CTNNA3: variants seen among roughly 807,000 people sequenced by gnomAD.
The protein encoded by CTNNA3 is catenin alpha 3.
Under a neutral mutation model 95.7 loss-of-function variants are expected in CTNNA3, and 76 were observed. The ratio of observed to expected loss-of-function variants is 0.79; its 90% CI spans 0.66 to 0.96. The LOEUF (loss-of-function observed/expected upper bound fraction) is 0.96. CTNNA3 is among the 40% of genes least tolerant of loss of function. The pLI, the probability that CTNNA3 is intolerant of heterozygous loss-of-function variation, is 0.00. For missense variants in CTNNA3, 1,191 were observed against 1,089.8 expected (o/e 1.09, Z -1.31); for synonymous variants, 431 against 374.4 (o/e 1.15, Z -1.74).
chr10:65,931,163 A>G (rs1020188598), intron 17 of CTNNA3, among the ~76,000 whole-genome samples: 1 of 152,178 alleles, frequency 6.6e-6, no homozygotes, highest in Non-Finnish European at 1.5e-5. Context: ...GACTTTCACA[A>G]TTATCTATAA....
chr10:66,426,917 T>C (rs897499561), intron 11 of CTNNA3, among the ~76,000 whole-genome samples: 1 of 152,018 alleles, frequency 6.6e-6, no homozygotes, highest in African/African-American at 2.4e-5. Context: ...TTTAAATCTG[T>C]TTTTTCTCTT....
Position 67,255,564 on chromosome 10 carries a change from C to T in CTNNA3, c.580-35694G>A, listed in dbSNP as rs577891486. 3.9e-5 allele frequency among the ~76,000 whole-genome samples: 6 copies of T among 152,214 alleles called. No individual in the cohort carries two copies. In the South Asian group the frequency reaches 1.2e-3, roughly 32 times the overall value. Reference sequence around the variant, plus strand: ...CTTTATAGCTATTAAATACTTTAATCCTTCTAATAACCCTATGAAGCAAAT... The same window carrying T: ...CTTTATAGCTATTAAATACTTTAATTCTTCTAATAACCCTATGAAGCAAAT... On this transcript the variant is annotated intron_variant, in intron 5 of 17. Transcript: ENST00000433211.
chr10:67,504,930 TA>T (rs1284445903), intron 5 of CTNNA3, among the ~76,000 whole-genome samples: 1 of 152,224 alleles, frequency 6.6e-6, no homozygotes, highest in African/African-American at 2.4e-5. Context: ...CCATCCCAGG[TA>T]AAATAAATTC....
At chr10:66,937,797 C>T (rs1473385290) in intron 7 of CTNNA3, among the ~76,000 whole-genome samples, 4 of 152,106 alleles carry the variant, frequency 2.6e-5, no homozygotes, top group Admixed American at 1.3e-4. Flanking sequence ...TTCCTCCCTC[C>T]CAAGTCCTCC....
At chr10:67,404,568 G>C (rs938044086) in intron 5 of CTNNA3, among the ~76,000 whole-genome samples, 41 of 152,038 alleles carry the variant, frequency 2.7e-4, no homozygotes, top group African/African-American at 9.9e-4. Flanking sequence ...TAAAGAGACT[G>C]AATCTATGAC....
intron 17 of CTNNA3, among the ~76,000 whole-genome samples, chr10:65,927,737 TAATA>T (rs1168439026): frequency 6.6e-6 from 1 of 152,216 alleles, no homozygotes; most frequent in Non-Finnish European, 1.5e-5. Flanking sequence ...TCATTTGCTA[TAATA>T]AATAAAGTTG....
chr10:66,634,066 G>T (rs1289938570), intron 9 of CTNNA3, among the ~76,000 whole-genome samples: 2 of 152,126 alleles, frequency 1.3e-5, no homozygotes, highest in Non-Finnish European at 2.9e-5. Context: ...AATGGCAATT[G>T]TGATGATCTC....
At chr10:67,655,813 A>G (rs186777744) in intron 1 of CTNNA3, among the ~76,000 whole-genome samples, 178 of 152,044 alleles carry the variant, frequency 1.2e-3, no homozygotes, top group African/African-American at 4.2e-3. Context: ...TTTATCTTGA[A>G]TGCATAACTG....
chr10:66,053,122 T>A (rs1469682428), intron 15 of CTNNA3, among the ~76,000 whole-genome samples: 1 of 152,146 alleles, frequency 6.6e-6, no homozygotes, highest in Non-Finnish European at 1.5e-5. Context: ...TGTGTTTTTT[T>A]AAACCAGGTA....
chr10:67,499,768 C>T (rs1360089291), intron 5 of CTNNA3, among the ~76,000 whole-genome samples: 3 of 152,072 alleles, frequency 2.0e-5, no homozygotes, highest in Non-Finnish European at 4.4e-5. Flanking sequence ...TCTGTGGGAT[C>T]GGTGGTGATA....
chr10:67,258,218 A>C (rs1463534403), intron 5 of CTNNA3, among the ~76,000 whole-genome samples: 1 of 152,090 alleles, frequency 6.6e-6, no homozygotes, highest in Non-Finnish European at 1.5e-5. Flanking sequence ...ATTTTGGTTC[A>C]TTGCAACCTC....
intron 13 of CTNNA3, among the ~76,000 whole-genome samples, chr10:66,272,950 T>C (rs139216222): frequency 6.6e-6 from 1 of 152,318 alleles, no homozygotes; most frequent in African/African-American, 2.4e-5. Flanking sequence ...CTTTTCCATC[T>C]TAACTAAGCA....
intron 9 of CTNNA3, among the ~76,000 whole-genome samples, chr10:66,633,702 A>T (rs1845235698): frequency 6.6e-6 from 1 of 152,216 alleles, no homozygotes; most frequent in Non-Finnish European, 1.5e-5. Context: ...TATTTACTTA[A>T]AATTATGTAT....
intron 2 of CTNNA3, among the ~76,000 whole-genome samples, chr10:67,637,606 G>C (rs982538137): frequency 1.3e-5 from 2 of 152,158 alleles, no homozygotes; most frequent in African/African-American, 4.8e-5. Context: ...GGTAAGGGCA[G>C]CCAGAGAGAA....
chr10:66,929,822 T>C (rs1322164892), intron 7 of CTNNA3, among the ~76,000 whole-genome samples: 2 of 152,214 alleles, frequency 1.3e-5, no homozygotes, highest in African/African-American at 4.8e-5. Context: ...CTTCCATATT[T>C]GAGTAACTTG....
chr10:66,473,198 A>T (rs1839197073), intron 11 of CTNNA3, among the ~76,000 whole-genome samples: 1 of 151,934 alleles, frequency 6.6e-6, no homozygotes, highest in African/African-American at 2.4e-5. Context: ...CCCCAGTCAA[A>T]TCTCATCTTG....
chr10:66,302,466 T>C (rs1270494936), intron 12 of CTNNA3, among the ~76,000 whole-genome samples: 1 of 152,040 alleles, frequency 6.6e-6, no homozygotes, highest in Non-Finnish European at 1.5e-5. Flanking sequence ...TGTAAAAGAA[T>C]ATACATAAAG....
intron 7 of CTNNA3, among the ~76,000 whole-genome samples, chr10:67,079,246 G>A (rs779827332): frequency 1.3e-5 from 2 of 152,162 alleles, no homozygotes; most frequent in Non-Finnish European, 2.9e-5. Context: ...CTGTGTTATA[G>A]AACAAGGGGA....
intron 13 of CTNNA3, among the ~76,000 whole-genome samples, chr10:66,278,291 A>G (rs2091432798): frequency 1.3e-5 from 2 of 151,586 alleles, no homozygotes; most frequent in African/African-American, 4.8e-5. Context: ...TAGAAATAAC[A>G]TAAGAACAAG....
Sources: allele counts gnomAD v4.1 joint callset (sites outside exome capture counted in the v4.1 genomes callset), GRCh38; gene constraint gnomAD v4.1.1; transcripts MANE v1.5; gene names NCBI Gene and HGNC (gene_info 2026-07-23, HGNC 2026-07-21).